Variants in VCPIP1 observed in about 807,000 individuals in gnomAD.
VCPIP1 encodes valosin containing protein interacting protein 1.
In VCPIP1, 8 loss-of-function variants were observed where a neutral mutation model predicts 85.0. The observed-to-expected ratio is 0.09, with a 90% confidence interval of 0.06 to 0.17. The LOEUF (loss-of-function observed/expected upper bound fraction) is 0.17. VCPIP1 is among the 10% of genes least tolerant of loss of function. The pLI is 1.00. For synonymous variants in VCPIP1, 543 were observed against 544.5 expected (o/e 1.00, Z 0.04); for missense variants, 1,070 against 1,486.3 (o/e 0.72, Z 4.61).
intron 1 of VCPIP1, among the ~76,000 whole-genome samples, chr8:66,661,409 C>T (rs1442694236): frequency 6.6e-6 from 1 of 152,132 alleles, no homozygotes; most frequent in African/African-American, 2.4e-5. Context: ...AGTATTTATA[C>T]ACCAGAATTA....
At chr8:66,645,473 G>A (rs1810986402) in intron 2 of VCPIP1, among the ~76,000 whole-genome samples, 1 of 151,944 alleles carries the variant, frequency 6.6e-6, no homozygotes, top group Non-Finnish European at 1.5e-5. Flanking sequence ...TACTAGAAAT[G>A]AACAATAAGA....
chr8:66,659,755 A>C (rs1291675291), intron 1 of VCPIP1, among the ~76,000 whole-genome samples: 1 of 151,890 alleles, frequency 6.6e-6, no homozygotes, highest in Non-Finnish European at 1.5e-5. Flanking sequence ...ACGTGGCGAA[A>C]CCCCATCTCT....
intron 1 of VCPIP1, among the ~76,000 whole-genome samples, chr8:66,659,609 C>T (rs1811135976): frequency 6.6e-6 from 1 of 151,924 alleles, no homozygotes; most frequent in Non-Finnish European, 1.5e-5. Flanking sequence ...AGCTCATGTC[C>T]CTGGCTATCA....
In VCPIP1 at chr8:66,633,791, C is replaced by A. The variant is rs1411979464; in HGVS notation, c.*710G>T. 6.6e-6 allele frequency: 1 copy of A among 151,656 alleles called. No homozygotes were observed. Among genetic ancestry groups the A allele is most frequent in the Non-Finnish European group, 1.5e-5 (1 of 67,896 alleles). 9.4% of individuals were successfully genotyped at this position (151,656 alleles called of 1,614,324 possible). On this transcript the variant is annotated 3_prime_UTR_variant, in exon 3 of 3. Transcript: ENST00000310421. ...GGTTGTTCTTGACCAAGCCAGGAATCAAAAATAATGGTAACATATTAATAG... is the reference window on the plus strand; with the variant it reads ...GGTTGTTCTTGACCAAGCCAGGAATAAAAAATAATGGTAACATATTAATAG...
At chr8:66,638,114 A>G (rs1266660441) in intron 2 of VCPIP1, among the ~76,000 whole-genome samples, 1 of 152,244 alleles carries the variant, frequency 6.6e-6, no homozygotes, top group African/African-American at 2.4e-5. Flanking sequence ...TAAAAACAAT[A>G]CAACAGAATA....
intron 2 of VCPIP1, among the ~76,000 whole-genome samples, chr8:66,638,480 CA>C (rs34135306): frequency 1.5e-4 from 18 of 118,700 alleles, no homozygotes; most frequent in Non-Finnish European, 1.7e-4. Context: ...AACCCCATCT[CA>C]AAAAAAAAAA....
In VCPIP1 at chr8:66,666,624, T is replaced by C; in HGVS notation, c.335A>G (p.Lys112Arg). 1 of 1,614,202 alleles carries C rather than the reference T, an allele frequency of 6.2e-7. No individual in the cohort carries two copies. Among genetic ancestry groups the C allele is most frequent in the Non-Finnish European group, 8.5e-7 (1 of 1,180,026 alleles). Residue 112 changes from lysine (K) to arginine (R), a missense_variant, in exon 1 of 3, where the codon AAG becomes AGG. Transcript: ENST00000310421. This position sits in a 1 kb window ranked among gnomAD's most constrained non-coding sequence, Gnocchi z 6.3. ...CATCACCTTTACCAGTTCCGTGTTCTTCTTGGGTGCCCCCGTAACCCCGAG... is the reference window on the plus strand; with the variant it reads ...CATCACCTTTACCAGTTCCGTGTTCCTCTTGGGTGCCCCCGTAACCCCGAG... ...ALLGVTGAPKKNTELVKVMGL... is the reference protein window; with the variant it reads ...ALLGVTGAPKRNTELVKVMGL...
intron 2 of VCPIP1, among the ~76,000 whole-genome samples, chr8:66,636,335 A>G (rs77160364): frequency 0.021 from 3,234 of 152,064 alleles, 49 homozygotes; most frequent in Non-Finnish European, 0.036. Flanking sequence ...ATAGTTCCAC[A>G]CATGTTCATC....
chr8:66,629,981 A>G lies in VCPIP1; in HGVS notation c.*4520T>C, dbSNP rs1423152881. On this transcript the variant is annotated 3_prime_UTR_variant, in exon 3 of 3. Transcript: ENST00000310421. Reference sequence around the variant, plus strand: ...CAACAAGAAAACTTTATTATTTAAGAATTTCTTTATAAAACTGAACTATAT... The same window carrying G: ...CAACAAGAAAACTTTATTATTTAAGGATTTCTTTATAAAACTGAACTATAT... The G allele has an allele frequency of 6.6e-6, 1 of 152,216 alleles. No individual in the cohort carries two copies. The highest frequency in any genetic ancestry group is 1.5e-5 in the Non-Finnish European group (1 of 68,040). The allele number at this position is 152,216 out of a possible 1,614,324, so 9.4% of individuals were successfully genotyped here. A position where few individuals can be genotyped will look rare whatever the true frequency, so the allele number is the denominator to read the frequency against.
intron 1 of VCPIP1, among the ~76,000 whole-genome samples, chr8:66,655,182 TTA>T (rs2130172624): frequency 1.3e-5 from 2 of 152,326 alleles, no homozygotes; most frequent in Non-Finnish European, 2.9e-5. Context: ...GGTTTCCCTT[TTA>T]TACTTTTCAG....
chr8:66,634,444 C>A lies in VCPIP1; in HGVS notation c.*57G>T. 3 of 1,515,504 alleles carry A rather than the reference C, an allele frequency of 2.0e-6. No homozygotes were observed. Among genetic ancestry groups the A allele is most frequent in the Non-Finnish European group, 2.6e-6 (3 of 1,134,256 alleles). 93.9% of individuals were successfully genotyped at this position (1,515,504 alleles called of 1,614,324 possible). Reference sequence around the variant, plus strand: ...TGACTAATCAAGTTACGTGGCCCAGCCAACAAATATTACATATTCACAATA... The same window carrying A: ...TGACTAATCAAGTTACGTGGCCCAGACAACAAATATTACATATTCACAATA... On this transcript the variant is annotated 3_prime_UTR_variant, in exon 3 of 3. Coordinates refer to ENST00000310421, the MANE Select transcript of VCPIP1 (RefSeq NM_025054.5).
In VCPIP1 at chr8:66,665,075, T is replaced by C. The variant is rs1811194889; in HGVS notation, c.1884A>G (p.Lys628=). Residue 628 remains lysine, a synonymous_variant, in exon 1 of 3, where the codon AAA becomes AAG. Coordinates refer to ENST00000310421, the MANE Select transcript of VCPIP1 (RefSeq NM_025054.5). The surrounding 1 kb of genome is among the most constrained non-coding windows in gnomAD (Gnocchi z 4.3). ...LNSNVYDVAM[K]LVTKHFPGEF... Reference sequence around the variant, plus strand: ...CACCTGGAAAGTGCTTGGTAACAAGTTTCATTGCAACATCGTAAACATTAC... The same window carrying C: ...CACCTGGAAAGTGCTTGGTAACAAGCTTCATTGCAACATCGTAAACATTAC... 1 of 1,614,040 alleles carries C rather than the reference T, an allele frequency of 6.2e-7. No individual in the cohort carries two copies. The highest frequency in any genetic ancestry group is 1.3e-5 in the African/African-American group (1 of 75,046).
intron 1 of VCPIP1, among the ~76,000 whole-genome samples, chr8:66,656,470 G>A (rs117045326): frequency 0.01 from 1,575 of 152,204 alleles, 12 homozygotes; most frequent in Non-Finnish European, 0.017. Flanking sequence ...TGGGATTATA[G>A]GTGTGAGCTA....
In VCPIP1 at chr8:66,665,009, A is replaced by T; in HGVS notation, c.1950T>A (p.Thr650=). Residue 650 remains threonine (T), a synonymous_variant, in exon 1 of 3, where the codon ACT becomes ACA. Transcript: ENST00000310421. This position sits in a 1 kb window ranked among gnomAD's most constrained non-coding sequence, Gnocchi z 4.3. ...SEILVQKVVH[T]ILHQTAKKNP... ...TCTTTTTGGCAGTCTGATGCAATAT[A>T]GTGTGGACAACTTTCTGAACTAGGA... The T allele has an allele frequency of 6.2e-7, 1 of 1,613,850 alleles. No homozygotes were observed. Among genetic ancestry groups the T allele is most frequent in the Non-Finnish European group, 8.5e-7 (1 of 1,179,804 alleles).
Position 66,654,844 on chromosome 8 carries a change from T to C in VCPIP1, c.2711-3300A>G, listed in dbSNP as rs116336311. 5.1e-3 allele frequency among the ~76,000 whole-genome samples: 770 copies of C among 152,340 alleles called. 4 individuals are homozygous for C. The highest frequency in any genetic ancestry group is 0.017 in the African/African-American group (725 of 41,580). On this transcript the variant is annotated intron_variant, in intron 1 of 2. Coordinates refer to ENST00000310421, the MANE Select transcript of VCPIP1 (RefSeq NM_025054.5). ...TATACAGCATTCAGAGTTAAACCTA[T>C]AATGGTTCCCCAATGCCGTATGGCA...
intron 2 of VCPIP1, among the ~76,000 whole-genome samples, chr8:66,640,409 A>G (rs1435055292): frequency 1.3e-5 from 2 of 152,248 alleles, no homozygotes; most frequent in African/African-American, 4.8e-5. Context: ...AGTGTAATAC[A>G]TCCAGAATTT....
intron 2 of VCPIP1, among the ~76,000 whole-genome samples, chr8:66,639,358 G>C (rs1340505946): frequency 1.6e-5 from 2 of 126,582 alleles, no homozygotes; most frequent in South Asian, 4.9e-4. Context: ...GGTGTTGCTG[G>C]GGTTGGGGGA....
intron 1 of VCPIP1, among the ~76,000 whole-genome samples, chr8:66,658,290 C>T (rs1377172534): frequency 2.7e-5 from 4 of 147,970 alleles, no homozygotes; most frequent in Non-Finnish European, 4.4e-5. Context: ...GCCGAGATTG[C>T]ACCACTGCAC....
chr8:66,632,164 A>G lies in VCPIP1; in HGVS notation c.*2337T>C, dbSNP rs1174718251. 2 of 152,150 alleles carry G rather than the reference A, an allele frequency of 1.3e-5. No homozygotes were observed. The highest frequency in any genetic ancestry group is 3.9e-4 in the East Asian group (2 of 5,192). The allele number at this position is 152,150 out of a possible 1,614,324, so 9.4% of individuals were successfully genotyped here. On this transcript the variant is annotated 3_prime_UTR_variant, in exon 3 of 3. Transcript: ENST00000310421. ...GCAGTACTAGAAAAATAACCATGCT[A>G]TAGTCATGTATTTGGTTATGAAAAC...
Sources: allele counts gnomAD v4.1 joint callset (sites outside exome capture counted in the v4.1 genomes callset), GRCh38; gene constraint gnomAD v4.1.1; non-coding constraint Gnocchi (gnomAD v3.1); transcripts MANE v1.5; gene names NCBI Gene and HGNC (gene_info 2026-07-23, HGNC 2026-07-21).